Variants in HS6ST3 observed in about 807,000 individuals in gnomAD.
The protein encoded by HS6ST3 is heparan sulfate 6-O-sulfotransferase 3.
In HS6ST3, 12 loss-of-function variants were observed where a neutral mutation model predicts 36.7. The observed-to-expected ratio is 0.33, with a 90% CI of 0.21 to 0.53. The LOEUF (loss-of-function observed/expected upper bound fraction) is 0.53. Among genes scored for constraint, HS6ST3 ranks in the 20% least tolerant of loss-of-function variants. The pLI is 0.95. For missense variants in HS6ST3, 584 were observed against 640.9 expected, an observed-to-expected ratio of 0.91 and a Z score of 0.96; for synonymous variants, 240 against 257.5, an observed-to-expected ratio of 0.93 and a Z score of 0.65.
At chr13:96,327,518 T>A (rs961550276) in intron 1 of HS6ST3, among the ~76,000 whole-genome samples, 2 of 152,104 alleles carry the variant, frequency 1.3e-5, no homozygotes, top group African/African-American at 4.8e-5. Flanking sequence ...CTGAGGGCTC[T>A]GTTCTGTTCC....
At chr13:96,613,143 G>T (rs149197715) in intron 1 of HS6ST3, among the ~76,000 whole-genome samples, 136 of 152,232 alleles carry the variant, frequency 8.9e-4, no homozygotes, top group African/African-American at 3.0e-3. Flanking sequence ...ATCACCACTT[G>T]ACCTATTATA....
chr13:96,152,548 A>G (rs1263082967), intron 1 of HS6ST3, among the ~76,000 whole-genome samples: 1 of 152,070 alleles, frequency 6.6e-6, no homozygotes, highest in Non-Finnish European at 1.5e-5. Flanking sequence ...CGTGTTAGCC[A>G]GGATGGTCTC....
intron 1 of HS6ST3, among the ~76,000 whole-genome samples, chr13:96,295,292 G>T (rs2054849522): frequency 6.6e-6 from 1 of 151,878 alleles, no homozygotes; most frequent in African/African-American, 2.4e-5. Flanking sequence ...TATATAATAG[G>T]TTATGCTCAC....
chr13:96,579,442 G>A (rs1311900956), intron 1 of HS6ST3, among the ~76,000 whole-genome samples: 3 of 151,952 alleles, frequency 2.0e-5, no homozygotes, highest in South Asian at 2.1e-4. Flanking sequence ...GTGAAGTATT[G>A]TAGAGAATAA....
chr13:96,767,028 A>G (rs981627846), intron 1 of HS6ST3, among the ~76,000 whole-genome samples: 7 of 152,214 alleles, frequency 4.6e-5, no homozygotes, highest in African/African-American at 1.7e-4. Context: ...CAGCCTATTC[A>G]TCAAAGGCTT....
In HS6ST3 at chr13:96,701,167, CA is replaced by C. The variant is rs1256242061; in HGVS notation, c.708-131319del. Among the ~76,000 whole-genome samples, 6 of 152,188 alleles carry C rather than the reference CA, an allele frequency of 3.9e-5. No individual in the cohort carries two copies. The East Asian group carries it at 9.6e-4, about 24-fold the overall frequency. On this transcript the variant is annotated intron_variant, in intron 1 of 1. Transcript: ENST00000376705. The stretch of plus-strand genomic sequence containing the variant: ...TCTGTCAATCAAAATTACCATCTAA[CA>C]AAAGAAGTACTATACTTACCAAAGT...
chr13:96,739,784 T>A (rs1235758200), intron 1 of HS6ST3, among the ~76,000 whole-genome samples: 2 of 152,302 alleles, frequency 1.3e-5, no homozygotes, highest in East Asian at 3.9e-4. Context: ...AGTTAGATCA[T>A]GTCACTCCTT....
intron 1 of HS6ST3, among the ~76,000 whole-genome samples, chr13:96,541,126 G>A (rs926667490): frequency 1.3e-5 from 2 of 152,030 alleles, no homozygotes; most frequent in South Asian, 2.1e-4. Context: ...TCTGCCTCCC[G>A]GGTTCAAGTG....
At chr13:96,314,622 T>C (rs1448371303) in intron 1 of HS6ST3, among the ~76,000 whole-genome samples, 4 of 152,182 alleles carry the variant, frequency 2.6e-5, no homozygotes, top group Non-Finnish European at 5.9e-5. Context: ...TTGTGAATAA[T>C]TGTTGCACTC....
intron 1 of HS6ST3, among the ~76,000 whole-genome samples, chr13:96,189,999 A>G (rs2054281694): frequency 6.6e-6 from 1 of 152,190 alleles, no homozygotes; most frequent in Non-Finnish European, 1.5e-5. Context: ...ATGTTAGGGA[A>G]GAAATAAGAT....
At chr13:96,355,144 G>A (rs76435933) in intron 1 of HS6ST3, among the ~76,000 whole-genome samples, 27 of 152,146 alleles carry the variant, frequency 1.8e-4, no homozygotes, top group African/African-American at 6.3e-4. Flanking sequence ...AAAAGTAAAA[G>A]CATGATTGCT....
intron 1 of HS6ST3, among the ~76,000 whole-genome samples, chr13:96,556,305 G>A (rs1049365183): frequency 2.0e-5 from 3 of 152,116 alleles, no homozygotes; most frequent in South Asian, 4.2e-4. Flanking sequence ...GTATTTATAC[G>A]ACTTAAAAGA....
intron 1 of HS6ST3, among the ~76,000 whole-genome samples, chr13:96,228,050 G>C (rs961201759): frequency 1.3e-5 from 2 of 152,074 alleles, no homozygotes; most frequent in East Asian, 3.9e-4. Flanking sequence ...TTCTTAGAAG[G>C]TTATCACCTC....
At chr13:96,519,553 T>C (rs181062545) in intron 1 of HS6ST3, among the ~76,000 whole-genome samples, 9 of 152,330 alleles carry the variant, frequency 5.9e-5, no homozygotes, top group Admixed American at 5.9e-4. Flanking sequence ...CTGGCCACTG[T>C]AGAGTATGTA....
intron 1 of HS6ST3, among the ~76,000 whole-genome samples, chr13:96,570,723 A>G (rs113485177): frequency 1.3e-3 from 192 of 152,332 alleles, no homozygotes; most frequent in African/African-American, 4.3e-3. Flanking sequence ...GGGTGACCAA[A>G]GAGTAGCAGA....
intron 1 of HS6ST3, among the ~76,000 whole-genome samples, chr13:96,811,392 G>A (rs1878314112): frequency 6.6e-6 from 1 of 152,138 alleles, no homozygotes; most frequent in African/African-American, 2.4e-5. Context: ...CTACTTGGCT[G>A]GAATGTTAAA....
At chr13:96,213,611 G>A (rs1031451792) in intron 1 of HS6ST3, among the ~76,000 whole-genome samples, 3 of 151,820 alleles carry the variant, frequency 2.0e-5, no homozygotes, top group African/African-American at 7.3e-5. Context: ...ACTCTGTGCA[G>A]GACATTTTAA....
chr13:96,796,348 T>G (rs2138523816), intron 1 of HS6ST3, among the ~76,000 whole-genome samples: 1 of 152,196 alleles, frequency 6.6e-6, no homozygotes, highest in Admixed American at 6.6e-5. Flanking sequence ...AACCATACTG[T>G]CATTTCTTTT....
intron 1 of HS6ST3, among the ~76,000 whole-genome samples, chr13:96,167,672 A>G (rs1309973137): frequency 6.6e-6 from 1 of 152,234 alleles, no homozygotes; most frequent in African/African-American, 2.4e-5. Flanking sequence ...CCTCACACTA[A>G]TGCCGCATTA....
Sources: gnomAD v4.1 joint callset for allele counts (sites outside exome capture counted in the v4.1 genomes callset) on GRCh38, gnomAD v4.1.1 for gene constraint, MANE v1.5 for transcripts, NCBI Gene and HGNC (gene_info 2026-07-23, HGNC 2026-07-21) for gene names.